The following TTF1 variants were observed in gnomAD, a reference collection of about 807,000 sequenced individuals.
TTF1 encodes transcription termination factor, RNA polymerase I.
Under a neutral mutation model 80.2 loss-of-function variants are expected in TTF1, and 64 were observed. The ratio of observed to expected loss-of-function variants is 0.80; its 90% CI spans 0.65 to 0.98. TTF1 has a LOEUF of 0.98. Among genes scored for constraint, TTF1 ranks in the 50% least tolerant of loss-of-function variants. The pLI is 0.00. For synonymous variants in TTF1, 372 were observed against 382.7 expected (o/e 0.97, Z 0.33); for missense variants, 1,023 against 1,086.2 (o/e 0.94, Z 0.82).
intron 8 of TTF1, among the ~76,000 whole-genome samples, chr9:132,387,746 C>T (rs750166747): frequency 6.6e-6 from 1 of 152,196 alleles, no homozygotes; most frequent in Non-Finnish European, 1.5e-5. Flanking sequence ...CAAAGACAAG[C>T]AAGGGTGACA....
chr9:132,377,045 C>G (rs1849191653), intron 10 of TTF1, among the ~76,000 whole-genome samples: 1 of 152,194 alleles, frequency 6.6e-6, no homozygotes, highest in Admixed American at 6.5e-5. Context: ...CATATCTAAA[C>G]CACCCACAAA....
Position 132,377,486 on chromosome 9 carries a change from TG to T in TTF1, c.2465-1319del, listed in dbSNP as rs1484454526. On this transcript the variant is annotated intron_variant, in intron 10 of 10. Transcript: ENST00000334270. ...TGCATGTGGTGTGTGTGAATGCATG[TG>T]GTGTGTGTGAGTGCATGCATGTGGT... 9.7e-5 allele frequency among the ~76,000 whole-genome samples: 3 copies of T among 31,060 alleles called. 1 individual carries two copies. The highest frequency in any genetic ancestry group is 3.4e-3 in the East Asian group (1 of 292). 20.4% of individuals were successfully genotyped at this position (31,060 alleles called of 152,430 possible). A position where few individuals can be genotyped will look rare whatever the true frequency, so the allele number is the denominator to read the frequency against.
At chr9:132,399,148 G>A (rs1177190585) in intron 3 of TTF1, among the ~76,000 whole-genome samples, 3 of 145,344 alleles carry the variant, frequency 2.1e-5, no homozygotes, top group African/African-American at 5.1e-5. Flanking sequence ...GCAGTGAGCC[G>A]AGATCATGCC....
chr9:132,385,716 T>C (rs143466256), intron 9 of TTF1, among the ~76,000 whole-genome samples: 2 of 152,320 alleles, frequency 1.3e-5, no homozygotes, highest in East Asian at 3.9e-4. Context: ...TTTGGTACCA[T>C]GCTATCTGAA....
At chr9:132,389,848 AG>A (rs1418056040) in intron 7 of TTF1, among the ~76,000 whole-genome samples, 1 of 152,226 alleles carries the variant, frequency 6.6e-6, no homozygotes, top group African/African-American at 2.4e-5. Flanking sequence ...CGCAGCCAGG[AG>A]CATGCCTACC....
At chr9:132,399,567 T>C (rs1263078804) in intron 3 of TTF1, among the ~76,000 whole-genome samples, 1 of 152,138 alleles carries the variant, frequency 6.6e-6, no homozygotes, top group African/African-American at 2.4e-5. Context: ...TTCTTAATAA[T>C]AATAATTCTT....
intron 10 of TTF1, among the ~76,000 whole-genome samples, chr9:132,378,217 G>GGT (rs146418873): frequency 0.12 from 13,832 of 111,166 alleles, 1,456 homozygotes; most frequent in East Asian, 0.22. Context: ...GAATGCATGT[G>GGT]GTGTGTGAGT....
intron 5 of TTF1, among the ~76,000 whole-genome samples, chr9:132,393,730 G>C (rs1849600149): frequency 6.6e-6 from 1 of 152,162 alleles, no homozygotes; most frequent in Non-Finnish European, 1.5e-5. Context: ...GGGTCTCCCG[G>C]ACCGAGCTGG....
intron 9 of TTF1, among the ~76,000 whole-genome samples, chr9:132,379,677 A>G (rs1371779529): frequency 6.6e-6 from 1 of 152,232 alleles, no homozygotes; most frequent in East Asian, 1.9e-4. Flanking sequence ...CCTCTTAACC[A>G]TTACACTCAG....
At chr9:132,391,577 T>C (rs1159154103) in intron 6 of TTF1, among the ~76,000 whole-genome samples, 1 of 152,084 alleles carries the variant, frequency 6.6e-6, no homozygotes, top group Non-Finnish European at 1.5e-5. Flanking sequence ...TGCAAGGCAC[T>C]AGCTGTGTGG....
At chr9:132,386,679 C>A in intron 8 of TTF1, 58 bp from the exon 9 acceptor site, 1 of 1,418,290 alleles carries the variant, frequency 7.1e-7, no homozygotes, top group Non-Finnish European at 9.9e-7. Flanking sequence ...TAGCCATCTT[C>A]ATGGACGCGT....
At chr9:132,393,922 C>A (rs567393172) in intron 5 of TTF1, among the ~76,000 whole-genome samples, 9 of 145,774 alleles carry the variant, frequency 6.2e-5, no homozygotes, top group African/African-American at 2.3e-4. Context: ...AATACAATTT[C>A]TTTTTTTTTT....
In TTF1 at chr9:132,375,600, A is replaced by G. The variant is rs1335234830; in HGVS notation, c.*315T>C. On this transcript the variant is annotated 3_prime_UTR_variant, in exon 11 of 11. Coordinates refer to ENST00000334270, the MANE Select transcript of TTF1 (RefSeq NM_007344.4). ...GAATGGCAATATATTTTAATGCTCC[A>G]GAGGAAAGAGTAGAACTCTGGCCAT... The G allele has an allele frequency of 1.5e-5, 3 of 195,770 alleles. No individual in the cohort carries two copies. Among genetic ancestry groups the G allele is most frequent in the African/African-American group, 7.0e-5 (3 of 43,144 alleles). 12.1% of individuals were successfully genotyped at this position (195,770 alleles called of 1,614,324 possible).
chr9:132,390,509 T>C, intron 7 of TTF1, 88 bp downstream of exon 7: 1 of 1,298,374 alleles, frequency 7.7e-7, no homozygotes, highest in Non-Finnish European at 1.1e-6. Context: ...CACGTCAGCT[T>C]CCCCACGGCA....
chr9:132,398,093 T>A (rs1256769580), intron 4 of TTF1, 48 bp downstream of exon 4: 2 of 1,479,162 alleles, frequency 1.4e-6, no homozygotes. Flanking sequence ...ATCTTGTTTA[T>A]GGCTGGAAGG....
Position 132,379,105 on chromosome 9 carries a change from C to G in TTF1, c.2418G>C (p.Arg806Ser). 1 of 1,608,444 alleles carries G rather than the reference C, an allele frequency of 6.2e-7. No individual in the cohort carries two copies. The highest frequency in any genetic ancestry group is 1.1e-5 in the South Asian group (1 of 89,520). Residue 806 changes from arginine to serine, a missense_variant, in exon 10 of 11, where the codon AGG becomes AGC. Transcript: ENST00000334270. ...AAAATGGAACATAGACAGCTTTCAG[C>G]CTAGAAAATTTAGTTTGAACGTAAG... is the stretch of plus-strand genomic sequence containing the variant. The part of the protein sequence containing the change: ...PPSYVQTKFS[R>S]LKAVYVPFWQ...
At position 132,376,044 on chromosome 9, in the gene TTF1, T is replaced by G; in HGVS notation, c.2589A>C (p.Arg863=). The change falls in exon 11 of 11, where the codon CGA becomes CGC. Residue 863 remains arginine (R), a synonymous_variant. Coordinates refer to ENST00000334270, the MANE Select transcript of TTF1 (RefSeq NM_007344.4). ...PAAPKQVFPF[R]DIFYYEDDSE... The stretch of plus-strand genomic sequence containing the variant: ...TATCGTCTTCATAATAAAAGATGTC[T>G]CGAAATGGGAAAACTTGCTTGGGTG... 1 of 1,614,228 alleles carries G rather than the reference T, an allele frequency of 6.2e-7. No individual in the cohort carries two copies. Among genetic ancestry groups the G allele is most frequent in the South Asian group, 1.1e-5 (1 of 91,082 alleles).
At position 132,392,082 on chromosome 9, in the gene TTF1, T is replaced by C. The variant is rs752814584; in HGVS notation, c.1981A>G (p.Ser661Gly). Residue 661 changes from serine (S) to glycine (G), a missense_variant, in exon 6 of 11, where the codon AGC becomes GGC. Ser to Gly is a moderately conservative substitution (Grantham distance 56). Coordinates refer to ENST00000334270, the MANE Select transcript of TTF1 (RefSeq NM_007344.4). ...LSVALKFSQISSQRNRGAWSK... is the reference protein window; with the variant it reads ...LSVALKFSQIGSQRNRGAWSK... ...ACTGGGGGCTGCCACTTACGACTGC[T>C]GATCTGTGAGAACTTGAGGGCCACG... 8 of 1,614,040 alleles carry C rather than the reference T, an allele frequency of 5.0e-6. No homozygotes were observed. The South Asian group carries it at 8.8e-5, about 18-fold the overall frequency.
At chr9:132,400,439 C>T (rs1435391307) in intron 2 of TTF1, among the ~76,000 whole-genome samples, 181 bp from the exon 3 acceptor site, 1 of 152,338 alleles carries the variant, frequency 6.6e-6, no homozygotes, top group South Asian at 2.1e-4. Flanking sequence ...TCTCCTGCCT[C>T]AGCCTCCAGA....
Sources: gnomAD v4.1 joint callset for allele counts (sites outside exome capture counted in the v4.1 genomes callset) on GRCh38, gnomAD v4.1.1 for gene constraint, MANE v1.5 for transcripts, NCBI Gene and HGNC (gene_info 2026-07-23, HGNC 2026-07-21) for gene names.